The following SLC9A8 variants were observed in gnomAD, a reference collection of about 807,000 sequenced individuals.
SLC9A8 encodes the protein solute carrier family 9 member A8, also known as sodium/hydrogen exchanger 8.
In SLC9A8, 48 loss-of-function variants were observed where a neutral mutation model predicts 66.6. The observed-to-expected ratio is 0.72, with a 90% confidence interval of 0.57 to 0.92. SLC9A8 has a LOEUF of 0.92. Among genes scored for constraint, SLC9A8 ranks in the 40% least tolerant of loss-of-function variants. SLC9A8 has a pLI of 0.00. For synonymous variants in SLC9A8, 274 were observed against 282.6 expected, an observed-to-expected ratio of 0.97 and a Z score of 0.31; for missense variants, 599 against 747.3, an observed-to-expected ratio of 0.80 and a Z score of 2.31.
chr20:49,884,618 A>C (rs2089823658), intron 14 of SLC9A8, among the ~76,000 whole-genome samples: 1 of 151,986 alleles, frequency 6.6e-6, no homozygotes, highest in Non-Finnish European at 1.5e-5. Context: ...TTTACTAAAA[A>C]CCACCTGTTG....
chr20:49,863,248 G>A (rs1015647556), intron 9 of SLC9A8, among the ~76,000 whole-genome samples, 181 bp downstream of exon 9: 4 of 152,102 alleles, frequency 2.6e-5, no homozygotes, highest in African/African-American at 9.7e-5. Flanking sequence ...TTAATCTAAC[G>A]TGAAATTTAG....
chr20:49,822,975 A>G, intron 2 of SLC9A8, 86 bp from the exon 3 acceptor site: 1 of 1,123,136 alleles, frequency 8.9e-7, no homozygotes. Context: ...GGACCCCCCC[A>G]GAAATAACCA....
chr20:49,866,332 T>G (rs746137529), intron 10 of SLC9A8, among the ~76,000 whole-genome samples: 3 of 152,216 alleles, frequency 2.0e-5, no homozygotes, highest in Non-Finnish European at 4.4e-5. Flanking sequence ...TTTCCAGATT[T>G]GGGCTAAGAA....
At chr20:49,858,218 T>G (rs753677272) in intron 8 of SLC9A8, among the ~76,000 whole-genome samples, 1 of 152,170 alleles carries the variant, frequency 6.6e-6, no homozygotes, top group Admixed American at 6.5e-5. Context: ...TTAACCAGTT[T>G]CCTACTATTG....
chr20:49,886,968 A>AGGGT lies in SLC9A8; in HGVS notation c.1638+74_1638+77dup. On this transcript the variant is annotated intron_variant, in intron 15 of 15. Transcript: ENST00000361573. This position sits in a 1 kb window ranked among gnomAD's most constrained non-coding sequence, Gnocchi z 4.8. The stretch of plus-strand genomic sequence containing the variant: ...CCTCCTTCAGGACCTGCGGTGGCCC[A>AGGGT]GGGTGGGGTGGAGGAAGAGTGGGGA... 1.3e-6 allele frequency: 2 copies of AGGGT among 1,524,498 alleles called. No individual in the cohort carries two copies. Among genetic ancestry groups the AGGGT allele is most frequent in the Non-Finnish European group, 1.8e-6 (2 of 1,125,214 alleles). The allele number at this position is 1,524,498 out of a possible 1,614,324, so 94.4% of individuals were successfully genotyped here.
At chr20:49,846,202 A>G (rs2087982838) in intron 5 of SLC9A8, among the ~76,000 whole-genome samples, 2 of 152,122 alleles carry the variant, frequency 1.3e-5, no homozygotes, top group African/African-American at 4.8e-5. Flanking sequence ...GTGTGCGTGC[A>G]TGGTTTTTTC....
At chr20:49,884,338 C>CCA (rs1405159860) in intron 14 of SLC9A8, among the ~76,000 whole-genome samples, 2 of 44,570 alleles carry the variant, frequency 4.5e-5, no homozygotes, top group Non-Finnish European at 8.5e-5. Flanking sequence ...ACACACACAC[C>CCA]CCCCGGTCAT....
At chr20:49,844,730 G>A (rs1292304286) in intron 4 of SLC9A8, among the ~76,000 whole-genome samples, 1 of 151,478 alleles carries the variant, frequency 6.6e-6, no homozygotes, top group African/African-American at 2.4e-5. Flanking sequence ...AGCCCAGGAG[G>A]TTGAGGCTAC....
chr20:49,821,705 A>C (rs1042015140), intron 2 of SLC9A8, among the ~76,000 whole-genome samples: 2 of 152,228 alleles, frequency 1.3e-5, no homozygotes, highest in African/African-American at 4.8e-5. Flanking sequence ...AAAGAAAGAC[A>C]TGCACGCTAA....
At chr20:49,852,507 G>A (rs1190805299) in intron 7 of SLC9A8, among the ~76,000 whole-genome samples, 3 of 152,116 alleles carry the variant, frequency 2.0e-5, no homozygotes, top group Non-Finnish European at 4.4e-5. Flanking sequence ...ATATCTTGTT[G>A]GAGAGAGATT....
intron 2 of SLC9A8, among the ~76,000 whole-genome samples, chr20:49,816,194 TG>T (rs773445691): frequency 5.9e-5 from 9 of 152,106 alleles, no homozygotes; most frequent in Non-Finnish European, 8.8e-5. Flanking sequence ...CCAAGGCAGA[TG>T]GATCACTTGA....
intron 12 of SLC9A8, among the ~76,000 whole-genome samples, chr20:49,878,800 A>G (rs1040170167): frequency 5.9e-5 from 9 of 152,160 alleles, no homozygotes; most frequent in African/African-American, 2.2e-4. Flanking sequence ...CTGGCGGATC[A>G]TGAGGTCAGG....
chr20:49,830,066 G>A (rs549060232), intron 3 of SLC9A8: 3 of 717,742 alleles, frequency 4.2e-6, no homozygotes, highest in East Asian at 6.2e-5. Flanking sequence ...GCCTGTTAAA[G>A]ATGCAGATCC....
rs902039345 is a variant in SLC9A8 at position 49,888,242 on chromosome 20, C to T, written c.*306C>T. ...GTGCCAGTCATCTGTGAAGCTAGGG[C>T]GCCTACCCCCCCACCCGGAGGACCC... On this transcript the variant is annotated 3_prime_UTR_variant, in exon 16 of 16. Transcript: ENST00000361573. The T allele has an allele frequency of 7.5e-5, 24 of 321,410 alleles. 1 individual carries two copies. The highest frequency in any genetic ancestry group is 6.6e-4 in the Admixed American group (14 of 21,196). 19.9% of individuals were successfully genotyped at this position (321,410 alleles called of 1,614,324 possible).
rs891080741 is a variant in SLC9A8, at chr20:49,845,205, T to TAGC, written c.432+105_432+107dup. ...GTTCCTTAAAAGCTTGGGTATAATTTAGCAGCAGCAGCAGCAGCAGCTCTG... is the reference window on the plus strand; with the variant it reads ...GTTCCTTAAAAGCTTGGGTATAATTTAGCAGCAGCAGCAGCAGCAGCAGCTCTG... On this transcript the variant is annotated intron_variant, in intron 5 of 15. Transcript: ENST00000361573. 9.3e-5 allele frequency: 90 copies of TAGC among 965,962 alleles called. 1 individual carries two copies. The highest frequency in any genetic ancestry group is 6.9e-4 in the Admixed American group (39 of 56,642). The allele number at this position is 965,962 out of a possible 1,614,324, so 59.8% of individuals were successfully genotyped here. A position where few individuals can be genotyped will look rare whatever the true frequency, so the allele number is the denominator to read the frequency against.
chr20:49,824,105 G>A (rs2086836938), intron 3 of SLC9A8, among the ~76,000 whole-genome samples: 1 of 152,094 alleles, frequency 6.6e-6, no homozygotes, highest in Non-Finnish European at 1.5e-5. Flanking sequence ...TATTTTCCCT[G>A]GACTTCAGTA....
At chr20:49,828,003 C>G (rs1267040255) in intron 3 of SLC9A8, among the ~76,000 whole-genome samples, 1 of 150,720 alleles carries the variant, frequency 6.6e-6, no homozygotes, top group Non-Finnish European at 1.5e-5. Flanking sequence ...CCAGTTACAG[C>G]TCTTTTAGAA....
chr20:49,817,214 G>A (rs2086581823), intron 2 of SLC9A8, among the ~76,000 whole-genome samples: 1 of 151,882 alleles, frequency 6.6e-6, no homozygotes. Flanking sequence ...CTACTCGGGA[G>A]GCTGAAGCAG....
chr20:49,822,955 A>T (rs1045461672), intron 2 of SLC9A8, 106 bp from the exon 3 acceptor site: 1 of 889,178 alleles, frequency 1.1e-6, no homozygotes, highest in Non-Finnish European at 1.9e-6. Flanking sequence ...CCAATTGTCC[A>T]TTTCTGTGAG....
Sources: gnomAD v4.1 joint callset for allele counts (sites outside exome capture counted in the v4.1 genomes callset) on GRCh38, gnomAD v4.1.1 for gene constraint, Gnocchi (gnomAD v3.1) non-coding constraint, MANE v1.5 for transcripts, NCBI Gene and HGNC (gene_info 2026-07-23, HGNC 2026-07-21) for gene names.